ZFYVE26: variants seen among roughly 807,000 people sequenced by gnomAD.
ZFYVE26 encodes zinc finger FYVE-type containing 26.
A neutral mutation model predicts 276.5 loss-of-function variants in ZFYVE26; 181 were observed. The ratio of observed to expected loss-of-function variants is 0.65; its 90% CI spans 0.58 to 0.74. The LOEUF (loss-of-function observed/expected upper bound fraction) is 0.74. Among genes scored for constraint, ZFYVE26 ranks in the 30% least tolerant of loss-of-function variants. ZFYVE26 has a pLI of 0.00. For synonymous variants in ZFYVE26, 1,129 were observed against 1,203.1 expected, an observed-to-expected ratio of 0.94 and a Z score of 1.27; for missense variants, 2,821 against 3,097.9, an observed-to-expected ratio of 0.91 and a Z score of 2.12.
intron 34 of ZFYVE26, chr14:67,761,923 T>C (rs1281871477): frequency 3.6e-6 from 2 of 558,148 alleles, no homozygotes; most frequent in Admixed American, 3.1e-5. Flanking sequence ...CACCAGAATT[T>C]TAACACTAAT....
intron 40 of ZFYVE26, chr14:67,751,494 C>T (rs2038642402): frequency 2.3e-5 from 7 of 307,676 alleles, no homozygotes; most frequent in South Asian, 2.1e-4. Flanking sequence ...GATCCTCCCG[C>T]CTCAGCCTCT....
intron 23 of ZFYVE26, among the ~76,000 whole-genome samples, chr14:67,779,655 T>C (rs1310234058): frequency 6.6e-6 from 1 of 152,172 alleles, no homozygotes; most frequent in Non-Finnish European, 1.5e-5. Context: ...GTGAGTGTTT[T>C]GAAGTGTGAG....
chr14:67,769,952 T>C (rs1032626152), intron 28 of ZFYVE26: 11 of 608,468 alleles, frequency 1.8e-5, no homozygotes, highest in Non-Finnish European at 2.9e-6. Context: ...CATGGAGCTT[T>C]GCGATAGCTC....
At chr14:67,808,922 G>A (rs751231189) in intron 4 of ZFYVE26, among the ~76,000 whole-genome samples, 7 of 152,122 alleles carry the variant, frequency 4.6e-5, no homozygotes, top group Non-Finnish European at 7.3e-5. Context: ...GATAGTCAAC[G>A]AATACTAGTT....
intron 20 of ZFYVE26, among the ~76,000 whole-genome samples, 165 bp downstream of exon 20, chr14:67,784,169 G>A (rs916772629): frequency 5.9e-5 from 9 of 152,150 alleles, no homozygotes; most frequent in African/African-American, 2.2e-4. Flanking sequence ...GAGAAAGCAG[G>A]AAACAAGGCA....
At chr14:67,732,914 T>C (rs2038302375) in intron 13 of ZFYVE26, among the ~76,000 whole-genome samples, 2 of 152,218 alleles carry the variant, frequency 1.3e-5, no homozygotes, top group African/African-American at 2.4e-5. Context: ...CAGCACTGCA[T>C]GTTCCGAATG....
intron 29 of ZFYVE26, among the ~76,000 whole-genome samples, chr14:67,768,994 AG>A (rs1249885027): frequency 1.3e-5 from 2 of 152,190 alleles, no homozygotes; most frequent in African/African-American, 4.8e-5. Context: ...TAGATGCTCT[AG>A]GAGTCTTAGG....
At chr14:67,764,038 C>A (rs1003903471) in intron 32 of ZFYVE26, among the ~76,000 whole-genome samples, 7 of 152,084 alleles carry the variant, frequency 4.6e-5, no homozygotes, top group Non-Finnish European at 1.0e-4. Flanking sequence ...ACATCCTCAC[C>A]CTGGGTTAAG....
chr14:67,798,539 G>T lies in ZFYVE26; in HGVS notation c.1723C>A (p.Leu575Met). The part of the protein sequence containing the change: ...SIPDSLCLEL[L>M]ENIFSLLLIT... ...AGAAGCAATGAGAAGATGTTTTCCA[G>T]AAGCTCCAGGCACAGAGAGTCAGGA... Residue 575 changes from leucine to methionine, a missense_variant, in exon 11 of 42, where the codon CTG (leucine) becomes ATG (methionine). By Grantham distance (15) the Leu-to-Met change is conservative. Coordinates refer to ENST00000347230, the MANE Select transcript of ZFYVE26 (RefSeq NM_015346.4). The T allele has an allele frequency of 6.2e-7, 1 of 1,614,154 alleles. No homozygotes were observed. The highest frequency in any genetic ancestry group is 8.5e-7 in the Non-Finnish European group (1 of 1,180,026).
intron 8 of ZFYVE26, 146 bp from the exon 9 acceptor site, chr14:67,804,410 G>T: frequency 9.7e-7 from 1 of 1,035,656 alleles, no homozygotes. Flanking sequence ...TAGTTGGTTT[G>T]GGACTGAGCC....
intron 34 of ZFYVE26, 67 bp from the exon 35 acceptor site, chr14:67,761,651 T>C: frequency 5.0e-6 from 7 of 1,406,836 alleles, no homozygotes; most frequent in Non-Finnish European, 6.9e-6. Flanking sequence ...CTGAAAATAT[T>C]GCTTGCAAAG....
intron 31 of ZFYVE26, 131 bp downstream of exon 31, chr14:67,767,573 T>G (rs1318438856): frequency 2.4e-6 from 3 of 1,234,484 alleles, no homozygotes; most frequent in Non-Finnish European, 3.5e-6. Context: ...ATGGATTTAC[T>G]GGTTTAGCTC....
At chr14:67,794,703 G>C (rs936908164) in intron 12 of ZFYVE26, among the ~76,000 whole-genome samples, 2 of 152,234 alleles carry the variant, frequency 1.3e-5, no homozygotes, top group African/African-American at 4.8e-5. Context: ...CCAGCACGTT[G>C]GGAGGCCGTT....
Position 67,813,999 on chromosome 14 carries a change from A to G in ZFYVE26, c.260T>C (p.Leu87Ser), listed in dbSNP as rs192944386. The change falls in exon 3 of 42, where the codon TTG becomes TCG. Residue 87 changes from leucine to serine, a missense_variant. Leu to Ser is a moderately radical substitution (Grantham distance 145). Transcript: ENST00000347230. The part of the protein sequence containing the change: ...WVWLLVLEKW[L>S]AREKKLLPVV... ...AAACCTACTTACCTTTTCCCGGGCC[A>G]ACCATTTCTCCAGTACAAGAAGCCA... 27 of 1,613,836 alleles carry G rather than the reference A, an allele frequency of 1.7e-5. No homozygotes were observed. The African/African-American group carries it at 2.5e-4, about 15-fold the overall frequency.
chr14:67,744,688 T>A (rs1388302208), downstream of ZFYVE26, among the ~76,000 whole-genome samples: 1 of 152,198 alleles, frequency 6.6e-6, no homozygotes, highest in Non-Finnish European at 1.5e-5. Flanking sequence ...CTTGTGTTAG[T>A]TTGCTGAGAA....
At chr14:67,737,451 C>T (rs2038365454) in intron 13 of ZFYVE26, among the ~76,000 whole-genome samples, 1 of 152,078 alleles carries the variant, frequency 6.6e-6, no homozygotes, top group South Asian at 2.1e-4. Context: ...GGGAAACTGC[C>T]ACTTTTAAAA....
rs766547426 is a variant in ZFYVE26, at chr14:67,729,243, G to A, written n.3256C>T. 2.9e-5 allele frequency: 47 copies of A among 1,610,282 alleles called. No individual in the cohort carries two copies. The highest frequency in any genetic ancestry group is 2.2e-5 in the East Asian group (1 of 44,892). On this transcript the variant is annotated non_coding_transcript_exon_variant, in exon 14 of 15. Transcript: ENST00000394455. ...ACCCAGGCGTCGTCCGCTCTGAGCT[G>A]GTCCGGCACTCCTCCCTGCTCTGCC...
In ZFYVE26 at chr14:67,786,220, G is replaced by A; in HGVS notation, c.3033C>T (p.Asp1011=). The A allele has an allele frequency of 6.4e-7, 1 of 1,559,586 alleles. No individual in the cohort carries two copies. Among genetic ancestry groups the A allele is most frequent in the Non-Finnish European group, 8.7e-7 (1 of 1,145,918 alleles). The change falls in exon 17 of 42, where the codon GAC becomes GAT. Residue 1011 remains aspartate, a synonymous_variant. Coordinates refer to ENST00000347230, the MANE Select transcript of ZFYVE26 (RefSeq NM_015346.4). The part of the protein sequence containing the change: ...SSLERRGRRI[D]HVLLNADGIR... ...TGCCATCAGCATTTAGGAGTACGTG[G>A]TCTATCCGTCGACCTGGAAATAGAT...
At chr14:67,733,133 TA>T (rs11333041) in intron 13 of ZFYVE26, among the ~76,000 whole-genome samples, 78,776 of 150,830 alleles carry the variant, frequency 0.52, 21,775 homozygotes, top group Non-Finnish European at 0.63. Context: ...ATAATAAAAT[TA>T]AAAAAAACAA....
Sources: gnomAD v4.1 joint callset for allele counts (sites outside exome capture counted in the v4.1 genomes callset) on GRCh38, gnomAD v4.1.1 for gene constraint, MANE v1.5 for transcripts, NCBI Gene and HGNC (gene_info 2026-07-23, HGNC 2026-07-21) for gene names.